Variants in TSPAN14 observed in about 807,000 individuals in gnomAD.
TSPAN14 encodes the protein tetraspanin 14, also known as tetraspanin-14.
In TSPAN14, 16 loss-of-function variants were observed where a neutral mutation model predicts 36.6. The observed-to-expected ratio is 0.44, with a 90% CI of 0.30 to 0.66. TSPAN14 has a LOEUF of 0.66. Ranked by LOEUF, TSPAN14 falls within the 30% of genes least tolerant of loss-of-function variation. The pLI is 0.12. For synonymous variants in TSPAN14, 139 were observed against 143.8 expected (o/e 0.97, Z 0.24); for missense variants, 231 against 355.1 (o/e 0.65, Z 2.81).
rs531360530 is a variant in TSPAN14, at chr10:80,509,739, C to A, written c.450+268C>A. 2.6e-5 allele frequency: 12 copies of A among 453,458 alleles called. No individual in the cohort carries two copies. The East Asian group carries it at 3.4e-4, about 13-fold the overall frequency. The allele number at this position is 453,458 out of a possible 1,614,324, so 28.1% of individuals were successfully genotyped here. ...CCACCCACCCCCCACGTGCCCGGCCCTCCTCTTTCGGCCCCAGATCTTTCC... is the reference window on the plus strand; with the variant it reads ...CCACCCACCCCCCACGTGCCCGGCCATCCTCTTTCGGCCCCAGATCTTTCC... On this transcript the variant is annotated intron_variant, in intron 5 of 8. Transcript: ENST00000429989. The surrounding 1 kb of genome is among the most constrained non-coding windows in gnomAD (Gnocchi z 4.7).
chr10:80,474,324 T>A (rs1363229057), intron 1 of TSPAN14, among the ~76,000 whole-genome samples: 1 of 151,700 alleles, frequency 6.6e-6, no homozygotes, highest in Admixed American at 6.6e-5. Flanking sequence ...GTGGTGGGTG[T>A]TGTCATTGTC....
At chr10:80,510,699 C>A (rs1840569470) in intron 5 of TSPAN14, among the ~76,000 whole-genome samples, 1 of 151,558 alleles carries the variant, frequency 6.6e-6, no homozygotes, top group African/African-American at 2.4e-5. Context: ...ATGGTGAAAC[C>A]CCATCTCTAC....
chr10:80,463,328 T>C (rs573160720), intron 1 of TSPAN14, among the ~76,000 whole-genome samples: 100 of 152,318 alleles, frequency 6.6e-4, no homozygotes, highest in Non-Finnish European at 1.2e-3. Context: ...TACAAAAATG[T>C]ATACATGATG....
intron 1 of TSPAN14, chr10:80,459,220 G>C (rs1845864844): frequency 6.6e-6 from 1 of 152,252 alleles, no homozygotes; most frequent in Non-Finnish European, 1.5e-5. Context: ...GGCTTGGTGG[G>C]GTTGGGTAGG....
At position 80,509,391 on chromosome 10, in the gene TSPAN14, C is replaced by T. The variant is rs754016524; in HGVS notation, c.370C>T (p.Arg124Trp). 1.2e-6 allele frequency: 2 copies of T among 1,614,022 alleles called. No homozygotes were observed. Among genetic ancestry groups the T allele is most frequent in the East Asian group, 2.2e-5 (1 of 44,878 alleles). ...CCAGGACTGGGTGAGGGACCGGTTC[C>T]GGGAGTTCTTCGAGAGCAACATCAA... Residue 124 changes from arginine (R) to tryptophan (W), a missense_variant, in exon 5 of 9, where the codon CGG (arginine) becomes TGG (tryptophan). Coordinates refer to ENST00000429989, the Ensembl canonical transcript of TSPAN14. This position sits in a 1 kb window ranked among gnomAD's most constrained non-coding sequence, Gnocchi z 4.7.
At chr10:80,470,279 T>G (rs929241289) in intron 1 of TSPAN14, among the ~76,000 whole-genome samples, 1 of 152,190 alleles carries the variant, frequency 6.6e-6, no homozygotes, top group Non-Finnish European at 1.5e-5. Context: ...GAGACTGGGT[T>G]TCACCATATT....
intron 1 of TSPAN14, among the ~76,000 whole-genome samples, chr10:80,467,547 T>G (rs1846309692): frequency 6.6e-6 from 1 of 152,132 alleles, no homozygotes. Context: ...ACCCTTGGAG[T>G]TCTATTAATC....
intron 1 of TSPAN14, among the ~76,000 whole-genome samples, chr10:80,484,758 C>G (rs1431247168): frequency 6.6e-6 from 1 of 152,030 alleles, no homozygotes; most frequent in African/African-American, 2.4e-5. Context: ...GATTTGTTAT[C>G]TGTTCAGGCT....
chr10:80,458,309 G>A (rs1232502310), intron 1 of TSPAN14, among the ~76,000 whole-genome samples: 1 of 152,182 alleles, frequency 6.6e-6, no homozygotes, highest in Non-Finnish European at 1.5e-5. Context: ...CTGTAGAAGG[G>A]AGTAGGAACC....
rs1277439405 is a variant in TSPAN14, at chr10:80,516,997, A to C, written c.741+674A>C. ...CTGCTAGGAGAAGAACTGGCAGAGAAAGTCAAGAATTCAGTGATCAGAGAA... is the reference window on the plus strand; with the variant it reads ...CTGCTAGGAGAAGAACTGGCAGAGACAGTCAAGAATTCAGTGATCAGAGAA... On this transcript the variant is annotated intron_variant, in intron 8 of 8. Coordinates refer to ENST00000429989, the Ensembl canonical transcript of TSPAN14. Among the ~76,000 whole-genome samples, 6 of 152,186 alleles carry C rather than the reference A, an allele frequency of 3.9e-5. 1 individual carries two copies. The highest frequency in any genetic ancestry group is 2.6e-4 in the Admixed American group (4 of 15,282).
rs187969841 is a variant in TSPAN14 at position 80,476,123 on chromosome 10, G to A, written c.-17-13094G>A. On this transcript the variant is annotated intron_variant, in intron 1 of 8. Coordinates refer to ENST00000429989, the Ensembl canonical transcript of TSPAN14. ...GCGGGGGCTCACGCTTATAATACAAGCATGTTGGGAGGCTGAGGCAGGCGA... is the reference window on the plus strand; with the variant it reads ...GCGGGGGCTCACGCTTATAATACAAACATGTTGGGAGGCTGAGGCAGGCGA... 1.4e-3 allele frequency among the ~76,000 whole-genome samples: 208 copies of A among 152,306 alleles called. 1 individual carries two copies. The highest frequency in any genetic ancestry group is 4.7e-3 in the African/African-American group (194 of 41,580).
At chr10:80,507,472 C>CTT in intron 4 of TSPAN14, 98 bp downstream of exon 4, 1 of 1,533,658 alleles carries the variant, frequency 6.5e-7, no homozygotes, top group African/African-American at 1.4e-5. Flanking sequence ...GGTGGCAGCT[C>CTT]TTAGGAGCCT....
chr10:80,461,872 A>C (rs1222209674), intron 1 of TSPAN14, among the ~76,000 whole-genome samples: 2 of 151,322 alleles, frequency 1.3e-5, no homozygotes, highest in African/African-American at 4.9e-5. Flanking sequence ...CGAGGGCTTC[A>C]GGTGCCAGTA....
exon 9 of TSPAN14, chr10:80,520,504 G>A (rs1473458502): frequency 3.0e-5 from 14 of 463,030 alleles, no homozygotes; most frequent in Non-Finnish European, 1.3e-5. Context: ...GAGGCCAGCT[G>A]TGGCATTTGC....
At chr10:80,501,880 A>G (rs1198290561) in intron 2 of TSPAN14, among the ~76,000 whole-genome samples, 2 of 151,454 alleles carry the variant, frequency 1.3e-5, no homozygotes, top group East Asian at 1.9e-4. Flanking sequence ...CTCTGTGCCT[A>G]CTGAGGGCCA....
At chr10:80,490,266 G>A (rs1198530546) in intron 2 of TSPAN14, among the ~76,000 whole-genome samples, 2 of 152,122 alleles carry the variant, frequency 1.3e-5, no homozygotes, top group Non-Finnish European at 2.9e-5. Flanking sequence ...TATTTCCTTT[G>A]TCGTTGACTG....
chr10:80,464,997 C>G (rs1846161729), intron 1 of TSPAN14, among the ~76,000 whole-genome samples: 1 of 152,282 alleles, frequency 6.6e-6, no homozygotes, highest in East Asian at 1.9e-4. Context: ...CACTCCAAGG[C>G]CCATCATGTG....
chr10:80,520,480 G>A (rs1437269066), exon 9 of TSPAN14: 4 of 453,988 alleles, frequency 8.8e-6, no homozygotes, highest in South Asian at 5.1e-5. Flanking sequence ...CTGAATCCCC[G>A]CCTTCCCTGG....
intron 2 of TSPAN14, among the ~76,000 whole-genome samples, chr10:80,498,680 G>A (rs991025277): frequency 1.3e-5 from 2 of 152,152 alleles, no homozygotes; most frequent in Non-Finnish European, 2.9e-5. Context: ...ATCCTTGAAC[G>A]CCCCTCACAT....
Sources: gnomAD v4.1 joint callset for allele counts (sites outside exome capture counted in the v4.1 genomes callset) on GRCh38, gnomAD v4.1.1 for gene constraint, Gnocchi (gnomAD v3.1) non-coding constraint, MANE v1.5 for transcripts, NCBI Gene and HGNC (gene_info 2026-07-23, HGNC 2026-07-21) for gene names.